The following PDE2A variants were observed in gnomAD, a reference collection of about 807,000 sequenced individuals.
PDE2A encodes phosphodiesterase 2A.
In PDE2A, 53 loss-of-function variants were observed where a neutral mutation model predicts 133.6. The ratio of observed to expected loss-of-function variants is 0.40; its 90% CI spans 0.32 to 0.50. The LOEUF (loss-of-function observed/expected upper bound fraction) is 0.50, where lower values mean the gene tolerates loss of function less well. Among genes scored for constraint, PDE2A ranks in the 20% least tolerant of loss-of-function variants. PDE2A has a pLI of 0.73. For missense variants in PDE2A, 796 were observed against 1,232.4 expected (o/e 0.65, Z 5.30); for synonymous variants, 491 against 490.2 (o/e 1.00, Z -0.02).
intron 16 of PDE2A, 136 bp from the exon 17 acceptor site, chr11:72,585,080 G>A: frequency 1.2e-6 from 1 of 821,206 alleles, no homozygotes; most frequent in Non-Finnish European, 2.0e-6. Context: ...CTCAGGGCTG[G>A]CTGGCTCCAG....
At chr11:72,625,108 C>T (rs1565178684) in intron 2 of PDE2A, among the ~76,000 whole-genome samples, 1 of 152,172 alleles carries the variant, frequency 6.6e-6, no homozygotes, top group South Asian at 2.1e-4. Flanking sequence ...TTGTCAGGGC[C>T]CCTGGCAGGC....
chr11:72,594,756 T>G (rs1455361713), intron 6 of PDE2A, among the ~76,000 whole-genome samples: 2 of 152,088 alleles, frequency 1.3e-5, no homozygotes, highest in African/African-American at 4.8e-5. Flanking sequence ...CCCTTTCCCT[T>G]CTTCCCTGCC....
chr11:72,646,958 G>A (rs1182933508), intron 1 of PDE2A, among the ~76,000 whole-genome samples: 1 of 152,148 alleles, frequency 6.6e-6, no homozygotes, highest in Non-Finnish European at 1.5e-5. Context: ...GCCATCCAAC[G>A]AGAAGTAGCC....
chr11:72,596,013 C>G (rs944586625), intron 6 of PDE2A, among the ~76,000 whole-genome samples: 2 of 152,164 alleles, frequency 1.3e-5, no homozygotes, highest in Non-Finnish European at 2.9e-5. Context: ...GCCTGTCTTC[C>G]GCCCAGCCTC....
intron 1 of PDE2A, among the ~76,000 whole-genome samples, chr11:72,647,078 A>G (rs1859146614): frequency 6.6e-6 from 1 of 152,150 alleles, no homozygotes; most frequent in South Asian, 2.1e-4. Context: ...GGTCCAGCCA[A>G]GCTGGGAGCC....
chr11:72,599,286 G>A (rs188871283), intron 4 of PDE2A, among the ~76,000 whole-genome samples: 7 of 151,938 alleles, frequency 4.6e-5, no homozygotes, highest in East Asian at 3.9e-4. Flanking sequence ...CTGTGCTCAC[G>A]GCCTCATGAC....
chr11:72,640,129 T>C (rs544416100), intron 2 of PDE2A, among the ~76,000 whole-genome samples: 4 of 151,070 alleles, frequency 2.6e-5, no homozygotes, highest in African/African-American at 9.7e-5. Flanking sequence ...CACCAAAAAG[T>C]CACCCAGCTC....
In PDE2A at chr11:72,674,196, T is replaced by G; in HGVS notation, c.12A>C (p.Ala4=). The change falls in exon 1 of 31, where the codon GCA becomes GCC. Residue 4 remains alanine (A), a synonymous_variant. Transcript: ENST00000334456. ...TCCTGCAGAGGATGGAGTGGCCGCA[T>G]GCCTGCCCCATCACTCCTCATCGTC... MGQ[A]CGHSILCRSQ... 6.2e-7 allele frequency: 1 copy of G among 1,611,010 alleles called. No individual in the cohort carries two copies. Among genetic ancestry groups the G allele is most frequent in the Non-Finnish European group, 8.5e-7 (1 of 1,179,722 alleles).
At chr11:72,621,704 C>T (rs541549854) in intron 2 of PDE2A, 1 of 152,392 alleles carries the variant, frequency 6.6e-6, no homozygotes. Context: ...TCCACACTGG[C>T]TCTGTGTCAC....
Position 72,590,000 on chromosome 11 carries a change from G to A in PDE2A, c.757-19C>T. 1 of 1,603,192 alleles carries A rather than the reference G, an allele frequency of 6.2e-7. No individual in the cohort carries two copies. The highest frequency in any genetic ancestry group is 8.5e-7 in the Non-Finnish European group (1 of 1,174,350). On this transcript the variant is annotated intron_variant, in intron 9 of 30. Transcript: ENST00000334456. The stretch of plus-strand genomic sequence containing the variant: ...GCTGCAGCTGAGAGAGGGACAGGCA[G>A]GGCGAGGGGGTGACCGCGGATCCGG...
In PDE2A at chr11:72,597,174, T is replaced by C. The variant is rs904411501; in HGVS notation, c.433+336A>G. The stretch of plus-strand genomic sequence containing the variant: ...GAATGTGAGAACAACTACAGCCCCA[T>C]CCAGCATCAGGCACAGGCACATCAC... On this transcript the variant is annotated intron_variant, in intron 5 of 30. Transcript: ENST00000334456. The surrounding 1 kb of genome is among the most constrained non-coding windows in gnomAD (Gnocchi z 4.6). Among the ~76,000 whole-genome samples, 8 of 152,082 alleles carry C rather than the reference T, an allele frequency of 5.3e-5. No individual in the cohort carries two copies. The highest frequency in any genetic ancestry group is 7.3e-5 in the Non-Finnish European group (5 of 68,028).
chr11:72,621,936 CT>C (rs1293328246), intron 2 of PDE2A: 5 of 152,096 alleles, frequency 3.3e-5, no homozygotes, highest in Non-Finnish European at 7.4e-5. Flanking sequence ...ATTTGCAAAG[CT>C]TTTATCTGAT....
At chr11:72,585,143 A>G in intron 16 of PDE2A, 199 bp from the exon 17 acceptor site, 3 of 633,610 alleles carry the variant, frequency 4.7e-6, no homozygotes, top group South Asian at 1.9e-5. Context: ...AGCACCTACT[A>G]TGTGCCAGGC....
chr11:72,643,750 T>C (rs1859053147), intron 1 of PDE2A: 1 of 152,186 alleles, frequency 6.6e-6, no homozygotes, highest in Middle Eastern at 3.1e-3. Context: ...TTGTGCCCAT[T>C]CCTGGACACA....
Position 72,578,218 on chromosome 11 carries a change from C to T in PDE2A, c.2615+15G>A. ...CTCTGTGCAGGGTGCAGCTTGTCCC[C>T]ATGAGCTCACTCACTTGTAGATGGG... On this transcript the variant is annotated intron_variant, in intron 30 of 30. Coordinates refer to ENST00000334456, the MANE Select transcript of PDE2A (RefSeq NM_002599.5). The surrounding 1 kb of genome is among the most constrained non-coding windows in gnomAD (Gnocchi z 4.2). 1.3e-6 allele frequency: 2 copies of T among 1,511,314 alleles called. No homozygotes were observed. Among genetic ancestry groups the T allele is most frequent in the East Asian group, 4.5e-5 (2 of 44,470 alleles). The allele number at this position is 1,511,314 out of a possible 1,614,324, so 93.6% of individuals were successfully genotyped here. A position where few individuals can be genotyped will look rare whatever the true frequency, so the allele number is the denominator to read the frequency against.
At chr11:72,591,883 C>A (rs527690538) in intron 6 of PDE2A, among the ~76,000 whole-genome samples, 1 of 152,340 alleles carries the variant, frequency 6.6e-6, no homozygotes, top group East Asian at 1.9e-4. Flanking sequence ...ACATGTGATT[C>A]TCACCACTGT....
Position 72,577,173 on chromosome 11 carries a change from A to G in PDE2A, c.*211T>C, listed in dbSNP as rs392818. On this transcript the variant is annotated 3_prime_UTR_variant, in exon 31 of 31. Coordinates refer to ENST00000334456, the MANE Select transcript of PDE2A (RefSeq NM_002599.5). ...CATTGGTCACCCCTGTGCTCTCAGA[A>G]AACAAATTACAAAGTCTCCGTGAGG... is the stretch of plus-strand genomic sequence containing the variant. The G allele has an allele frequency of 0.99, 566,695 of 570,902 alleles. 281,364 individuals are homozygous for G. The highest frequency in any genetic ancestry group is 1 in the East Asian group (35,525 of 35,526). The allele number at this position is 570,902 out of a possible 1,614,324, so 35.4% of individuals were successfully genotyped here. A position where few individuals can be genotyped will look rare whatever the true frequency, so the allele number is the denominator to read the frequency against.
At chr11:72,612,724 G>T (rs1445751001) in intron 2 of PDE2A, among the ~76,000 whole-genome samples, 2 of 149,276 alleles carry the variant, frequency 1.3e-5, no homozygotes, top group African/African-American at 5.0e-5. Context: ...TAGATGGGTG[G>T]CTGGGTGGGT....
chr11:72,600,908 A>G (rs1856713749), intron 4 of PDE2A, among the ~76,000 whole-genome samples: 1 of 151,844 alleles, frequency 6.6e-6, no homozygotes. Context: ...TTTAACAACT[A>G]TTTGTTTAAT....
Sources: gnomAD v4.1 joint callset for allele counts (sites outside exome capture counted in the v4.1 genomes callset) on GRCh38, gnomAD v4.1.1 for gene constraint, Gnocchi (gnomAD v3.1) non-coding constraint, MANE v1.5 for transcripts, NCBI Gene and HGNC (gene_info 2026-07-23, HGNC 2026-07-21) for gene names.